Variants in ZNF280D observed in about 807,000 individuals in gnomAD.
ZNF280D encodes suppressor of hairy wing homolog 4.
In ZNF280D, 39 loss-of-function variants were observed where a neutral mutation model predicts 94.7. The observed-to-expected ratio is 0.41, with a 90% CI of 0.32 to 0.54. ZNF280D has a LOEUF of 0.54. ZNF280D is among the 20% of genes least tolerant of loss of function. The pLI is 0.22. For missense variants in ZNF280D, 1,090 were observed against 1,149.3 expected (o/e 0.95, Z 0.75); for synonymous variants, 398 against 377.6 (o/e 1.05, Z -0.63).
At chr15:56,727,797 G>A (rs2058699793) in intron 1 of ZNF280D, among the ~76,000 whole-genome samples, 1 of 152,176 alleles carries the variant, frequency 6.6e-6, no homozygotes, top group African/African-American at 2.4e-5. Context: ...GACTTTATAA[G>A]GGAAATCTCA....
chr15:56,663,456 T>C (rs2054091235), intron 16 of ZNF280D, among the ~76,000 whole-genome samples: 1 of 152,016 alleles, frequency 6.6e-6, no homozygotes, highest in Admixed American at 6.6e-5. Context: ...GTTCTCATGC[T>C]TTGGAGAAAA....
chr15:56,683,275 T>C (rs1250506100), intron 9 of ZNF280D, among the ~76,000 whole-genome samples: 5 of 152,056 alleles, frequency 3.3e-5, no homozygotes, highest in African/African-American at 1.2e-4. Context: ...GGGTGAAGGA[T>C]TTAGTCATTG....
chr15:56,727,530 G>C (rs1387367116), intron 1 of ZNF280D, among the ~76,000 whole-genome samples: 1 of 152,194 alleles, frequency 6.6e-6, no homozygotes, highest in African/African-American at 2.4e-5. Flanking sequence ...GGAGGGCACA[G>C]AACTCTTCCA....
intron 1 of ZNF280D, among the ~76,000 whole-genome samples, chr15:56,723,631 T>A (rs2058485947): frequency 6.6e-6 from 1 of 152,208 alleles, no homozygotes; most frequent in Non-Finnish European, 1.5e-5. Flanking sequence ...TTTTTTTCAA[T>A]GTCTCCCTCT....
At chr15:56,654,002 A>G in intron 19 of ZNF280D, 196 bp downstream of exon 19, 3 of 1,436,670 alleles carry the variant, frequency 2.1e-6, no homozygotes, top group Non-Finnish European at 2.7e-6. Context: ...CTTTGAACTT[A>G]GGAAATTCCA....
At chr15:56,701,135 C>T (rs2057041061) in intron 5 of ZNF280D, 38 bp downstream of exon 5, 1 of 1,606,350 alleles carries the variant, frequency 6.2e-7, no homozygotes, top group Non-Finnish European at 8.5e-7. Flanking sequence ...TGTCAAAATA[C>T]TTCACTTTAA....
chr15:56,707,854 ATGAG>A (rs1436644171), intron 1 of ZNF280D, among the ~76,000 whole-genome samples: 2 of 152,018 alleles, frequency 1.3e-5, no homozygotes, highest in African/African-American at 4.8e-5. Context: ...GAAAACAAAA[ATGAG>A]TAAGTCACAT....
At chr15:56,634,681 T>C (rs1198964327) in intron 21 of ZNF280D, among the ~76,000 whole-genome samples, 1 of 152,152 alleles carries the variant, frequency 6.6e-6, no homozygotes, top group Non-Finnish European at 1.5e-5. Flanking sequence ...AATGTTCAGA[T>C]TCTCTTCTGC....
chr15:56,681,102 T>C (rs1410824894), intron 10 of ZNF280D, among the ~76,000 whole-genome samples: 1 of 152,112 alleles, frequency 6.6e-6, no homozygotes, highest in Non-Finnish European at 1.5e-5. Flanking sequence ...ATAAAATAAG[T>C]GAAAAAACTT....
At chr15:56,712,353 C>A (rs529360046) in intron 1 of ZNF280D, among the ~76,000 whole-genome samples, 6 of 151,774 alleles carry the variant, frequency 4.0e-5, no homozygotes, top group African/African-American at 1.4e-4. Context: ...AAGAAAAAAA[C>A]GTTCAGGCTG....
At chr15:56,671,476 A>T (rs2054859247) in intron 13 of ZNF280D, among the ~76,000 whole-genome samples, 1 of 152,150 alleles carries the variant, frequency 6.6e-6, no homozygotes, top group South Asian at 2.1e-4. Context: ...GTCGAAGATC[A>T]GATGGTTGTA....
At chr15:56,632,264 T>G (rs2052114753) in intron 21 of ZNF280D, 142 bp from the exon 22 acceptor site, 1 of 746,318 alleles carries the variant, frequency 1.3e-6, no homozygotes, top group South Asian at 2.4e-5. Flanking sequence ...TTCCCAATCC[T>G]CGCTATGGCA....
chr15:56,699,299 TATATC>T (rs2056922420), intron 6 of ZNF280D: 1 of 784,056 alleles, frequency 1.3e-6, no homozygotes, highest in South Asian at 5.8e-5. Flanking sequence ...ACAATGTATG[TATATC>T]ATACAGGAAA....
At chr15:56,710,550 AT>A (rs1392096385) in intron 1 of ZNF280D, among the ~76,000 whole-genome samples, 1 of 152,234 alleles carries the variant, frequency 6.6e-6, no homozygotes, top group Non-Finnish European at 1.5e-5. Context: ...CTGACTTAAA[AT>A]AAATTCCATT....
At chr15:56,703,977 T>C (rs2057246806) in intron 4 of ZNF280D, 144 bp downstream of exon 4, 2 of 821,686 alleles carry the variant, frequency 2.4e-6, no homozygotes, top group Non-Finnish European at 3.6e-6. Flanking sequence ...TGATATTTAA[T>C]CTCTTACCTC....
chr15:56,643,029 T>A, intron 19 of ZNF280D, 32 bp from the exon 20 acceptor site: 1 of 1,370,788 alleles, frequency 7.3e-7, no homozygotes. Context: ...GAATATTTTA[T>A]TTTATATGTA....
At chr15:56,692,300 T>TA (rs1315036706) in intron 7 of ZNF280D, among the ~76,000 whole-genome samples, 34 of 151,298 alleles carry the variant, frequency 2.2e-4, no homozygotes, top group African/African-American at 5.8e-4. Context: ...GTATTACTAT[T>TA]AAAAAAAAAC....
At chr15:56,670,552 T>C (rs1354160216) in intron 13 of ZNF280D, among the ~76,000 whole-genome samples, 2 of 152,156 alleles carry the variant, frequency 1.3e-5, no homozygotes, top group African/African-American at 4.8e-5. Flanking sequence ...TAGTATTCCA[T>C]GGTGTATATG....
rs1169593991 is a variant in ZNF280D, at chr15:56,631,381, T to C, written c.*117A>G. 9.5e-7 allele frequency: 1 copy of C among 1,055,224 alleles called. No individual in the cohort carries two copies. 65.4% of individuals were successfully genotyped at this position (1,055,224 alleles called of 1,614,324 possible). On this transcript the variant is annotated 3_prime_UTR_variant, in exon 22 of 22. Transcript: ENST00000267807. Reference sequence around the variant, plus strand: ...GTTGAACATACAGGTAAAGTGTATGTGTGACCTCCCTTACATATTTCCATT... The same window carrying C: ...GTTGAACATACAGGTAAAGTGTATGCGTGACCTCCCTTACATATTTCCATT...
Sources: allele counts gnomAD v4.1 joint callset (sites outside exome capture counted in the v4.1 genomes callset), GRCh38; gene constraint gnomAD v4.1.1; transcripts MANE v1.5; gene names NCBI Gene and HGNC (gene_info 2026-07-23, HGNC 2026-07-21).